GRIK2: variants seen among roughly 807,000 people sequenced by gnomAD.
The protein encoded by GRIK2 is glutamate ionotropic receptor kainate type subunit 2, also known as glutamate receptor ionotropic, kainate 2.
Under a neutral mutation model 100.3 loss-of-function variants are expected in GRIK2, and 32 were observed. That is an observed-to-expected ratio of 0.32 (90% confidence interval 0.24 to 0.43). GRIK2 has a LOEUF of 0.43. Ranked by LOEUF, GRIK2 falls within the 20% of genes least tolerant of loss-of-function variation. The pLI is 1.00. For synonymous variants in GRIK2, 417 were observed against 389.4 expected (o/e 1.07, Z -0.83); for missense variants, 843 against 1,114.9 (o/e 0.76, Z 3.47).
chr6:101,930,385 A>G (rs1044842429), intron 14 of GRIK2, among the ~76,000 whole-genome samples: 6 of 151,890 alleles, frequency 4.0e-5, no homozygotes, highest in Non-Finnish European at 8.8e-5. Flanking sequence ...AAGTCGCTGA[A>G]ATTGCTAAAC....
intron 14 of GRIK2, among the ~76,000 whole-genome samples, chr6:102,031,606 G>A (rs772127441): frequency 2.8e-4 from 43 of 151,126 alleles, no homozygotes; most frequent in Non-Finnish European, 4.7e-4. Flanking sequence ...GTTTTCAACC[G>A]TTGCCCCCAT....
At chr6:101,621,913 T>G (rs779446416) in intron 2 of GRIK2, 36 bp from the exon 3 acceptor site, 1 of 1,444,786 alleles carries the variant, frequency 6.9e-7, no homozygotes, top group East Asian at 2.3e-5. Context: ...TGTTTATTCT[T>G]GTAAAATTTA....
At chr6:101,859,670 A>T (rs1465903421) in intron 11 of GRIK2, among the ~76,000 whole-genome samples, 177 bp downstream of exon 11, 1 of 152,200 alleles carries the variant, frequency 6.6e-6, no homozygotes, top group East Asian at 1.9e-4. Flanking sequence ...TCTAAGAGGG[A>T]TATATAGCCC....
chr6:101,812,461 A>T (rs1345286680), intron 9 of GRIK2, among the ~76,000 whole-genome samples: 1 of 151,946 alleles, frequency 6.6e-6, no homozygotes, highest in Admixed American at 6.6e-5. Flanking sequence ...CATTTCTGAG[A>T]TGAGGAAAAT....
At chr6:101,479,026 T>C (rs1248625369) in intron 2 of GRIK2, among the ~76,000 whole-genome samples, 1 of 152,160 alleles carries the variant, frequency 6.6e-6, no homozygotes, top group Non-Finnish European at 1.5e-5. Flanking sequence ...ACAACTGGCA[T>C]GTGGAAAACA....
chr6:101,967,818 C>T (rs1792784802), intron 14 of GRIK2, among the ~76,000 whole-genome samples: 1 of 151,980 alleles, frequency 6.6e-6, no homozygotes, highest in Non-Finnish European at 1.5e-5. Flanking sequence ...ACCAAGTGGT[C>T]AGAACAGAAA....
At chr6:101,886,772 AC>A (rs1236269423) in intron 11 of GRIK2, among the ~76,000 whole-genome samples, 1 of 145,270 alleles carries the variant, frequency 6.9e-6, no homozygotes, top group Non-Finnish European at 1.5e-5. Flanking sequence ...CTTTCCCGCT[AC>A]CCCTATAATC....
At chr6:101,427,296 T>C (rs1163773424) in intron 2 of GRIK2, among the ~76,000 whole-genome samples, 1 of 152,242 alleles carries the variant, frequency 6.6e-6, no homozygotes, top group Admixed American at 6.5e-5. Flanking sequence ...AATAAAACCT[T>C]TATAAAGTGC....
chr6:101,575,566 T>A (rs1777753046), intron 2 of GRIK2, among the ~76,000 whole-genome samples: 1 of 152,012 alleles, frequency 6.6e-6, no homozygotes. Context: ...CTTTCTTGCA[T>A]ATTGGGTGGT....
chr6:101,582,108 T>C (rs182814381), intron 2 of GRIK2, among the ~76,000 whole-genome samples: 27 of 152,194 alleles, frequency 1.8e-4, no homozygotes, highest in Middle Eastern at 3.4e-3. Context: ...CTGGGATACA[T>C]GTGCAGAACG....
At chr6:101,904,040 T>C (rs567741097) in intron 12 of GRIK2, among the ~76,000 whole-genome samples, 1 of 151,648 alleles carries the variant, frequency 6.6e-6, no homozygotes, top group East Asian at 1.9e-4. Context: ...TGAACTAGCA[T>C]TGCCCCAACA....
chr6:101,702,612 T>C (rs936826660), intron 7 of GRIK2, among the ~76,000 whole-genome samples: 6 of 151,960 alleles, frequency 3.9e-5, no homozygotes, highest in African/African-American at 1.4e-4. Flanking sequence ...GGAATAGAGC[T>C]ATAGTGGTGA....
At chr6:101,829,975 T>C (rs1582323546) in intron 10 of GRIK2, among the ~76,000 whole-genome samples, 1 of 151,794 alleles carries the variant, frequency 6.6e-6, no homozygotes, top group East Asian at 1.9e-4. Flanking sequence ...CTACGGCAAC[T>C]CTATACAAAA....
At chr6:101,957,707 T>A (rs1416565471) in intron 14 of GRIK2, among the ~76,000 whole-genome samples, 1 of 152,036 alleles carries the variant, frequency 6.6e-6, no homozygotes, top group Non-Finnish European at 1.5e-5. Context: ...AATTTGTATA[T>A]GGTGAGAGAT....
chr6:101,597,872 C>T (rs1192533027), intron 2 of GRIK2, among the ~76,000 whole-genome samples: 1 of 151,670 alleles, frequency 6.6e-6, no homozygotes, highest in Non-Finnish European at 1.5e-5. Context: ...GGATTCTGTC[C>T]TGCGGTGGCG....
intron 14 of GRIK2, among the ~76,000 whole-genome samples, chr6:101,988,130 TGTGCGCGCGCGCGCGCGCGCGCGCGTGC>T (rs778095547): frequency 4.8e-4 from 10 of 20,706 alleles, no homozygotes; most frequent in Non-Finnish European, 1.2e-3. Flanking sequence ...TGTGTGTGTG[TGTGCGCGCGCGCGCGCGCGCGCGCGTGC>T]GCGCACATGC....
rs570958581 is a variant in GRIK2, at chr6:102,054,663, C to A, written c.2312-667C>A. Among the ~76,000 whole-genome samples the A allele has an allele frequency of 1.1e-3, 165 of 152,172 alleles. 1 individual carries two copies. Among genetic ancestry groups the A allele is most frequent in the Middle Eastern group, 6.8e-3 (2 of 294 alleles). ...GGAAAAAAACAAAATAAAACCTTGT[C>A]TCCTATAAAATAAATTGATAAAGGA... On this transcript the variant is annotated intron_variant, in intron 15 of 16. Coordinates refer to ENST00000369134, the MANE Select transcript of GRIK2 (RefSeq NM_021956.5).
intron 2 of GRIK2, among the ~76,000 whole-genome samples, chr6:101,557,658 C>T (rs868349108): frequency 1.2e-4 from 18 of 152,150 alleles, no homozygotes; most frequent in African/African-American, 4.3e-4. Flanking sequence ...CCCTTATTCA[C>T]AGAAGCCGCT....
At chr6:101,633,667 A>C (rs1054443815) in intron 4 of GRIK2, among the ~76,000 whole-genome samples, 1 of 152,204 alleles carries the variant, frequency 6.6e-6, no homozygotes, top group Non-Finnish European at 1.5e-5. Flanking sequence ...AATAAAAATA[A>C]GATAAAATAA....
Sources: allele counts gnomAD v4.1 joint callset (sites outside exome capture counted in the v4.1 genomes callset), GRCh38; gene constraint gnomAD v4.1.1; transcripts MANE v1.5; gene names NCBI Gene and HGNC (gene_info 2026-07-23, HGNC 2026-07-21).